ST8SIA1: variants seen among roughly 807,000 people sequenced by gnomAD.
ST8SIA1 encodes the protein alpha-N-acetylneuraminide alpha-2,8-sialyltransferase.
Under a neutral mutation model 35.9 loss-of-function variants are expected in ST8SIA1, and 16 were observed. The ratio of observed to expected loss-of-function variants is 0.45; its 90% CI spans 0.30 to 0.68. ST8SIA1 has a LOEUF of 0.68. Ranked by LOEUF, ST8SIA1 falls within the 30% of genes least tolerant of loss-of-function variation. The pLI is 0.09. For missense variants in ST8SIA1, 383 were observed against 453.6 expected, an observed-to-expected ratio of 0.84 and a Z score of 1.41; for synonymous variants, 170 against 169.6, an observed-to-expected ratio of 1.00 and a Z score of -0.02.
chr12:22,211,603 G>A (rs974770330), intron 4 of ST8SIA1, among the ~76,000 whole-genome samples: 31 of 152,328 alleles, frequency 2.0e-4, no homozygotes, highest in African/African-American at 6.7e-4. Context: ...TTTTTAGAAG[G>A]TGAATATATG....
chr12:22,261,155 T>A (rs1236654600), intron 2 of ST8SIA1, among the ~76,000 whole-genome samples: 1 of 151,944 alleles, frequency 6.6e-6, no homozygotes, highest in Admixed American at 6.6e-5. Context: ...GGTGTATTTG[T>A]TTGTTTTGAG....
At chr12:22,221,187 C>T (rs954896139) in intron 4 of ST8SIA1, among the ~76,000 whole-genome samples, 1 of 152,010 alleles carries the variant, frequency 6.6e-6, no homozygotes, top group Non-Finnish European at 1.5e-5. Flanking sequence ...AGCAATACCA[C>T]TACCCTAACT....
At chr12:22,237,777 G>T (rs1003641884) in intron 4 of ST8SIA1, among the ~76,000 whole-genome samples, 2 of 151,466 alleles carry the variant, frequency 1.3e-5, no homozygotes, top group Non-Finnish European at 2.9e-5. Flanking sequence ...GTATGGATTT[G>T]TAGAAAAATC....
intron 2 of ST8SIA1, among the ~76,000 whole-genome samples, chr12:22,272,006 CCTTA>C (rs1183478968): frequency 6.6e-6 from 1 of 152,064 alleles, no homozygotes; most frequent in Non-Finnish European, 1.5e-5. Context: ...GTTTCCTGGC[CCTTA>C]CTTAATCTAT....
chr12:22,334,568 C>G lies in ST8SIA1; in HGVS notation c.-336G>C. ...CGAGTCGCTCCCGCCGGTTCTGCAG[C>G]ATCACGGTCGCCCTCGGCGAGGGTC... On this transcript the variant is annotated 5_prime_UTR_variant, in exon 1 of 5. It removes an upstream start codon present in the reference 5' UTR. Coordinates refer to ENST00000396037, the MANE Select transcript of ST8SIA1 (RefSeq NM_003034.4). The G allele has an allele frequency of 2.7e-6, 1 of 369,604 alleles. No homozygotes were observed. Among genetic ancestry groups the G allele is most frequent in the Non-Finnish European group, 5.0e-6 (1 of 200,174 alleles). The allele number at this position is 369,604 out of a possible 1,614,324, so 22.9% of individuals were successfully genotyped here. A position where few individuals can be genotyped will look rare whatever the true frequency, so the allele number is the denominator to read the frequency against.
chr12:22,274,265 T>G (rs1865944429), intron 2 of ST8SIA1, among the ~76,000 whole-genome samples: 1 of 152,214 alleles, frequency 6.6e-6, no homozygotes, highest in Non-Finnish European at 1.5e-5. Context: ...GCAAAATGAT[T>G]GCATGATCTG....
chr12:22,243,874 A>C (rs1214046255), intron 4 of ST8SIA1, among the ~76,000 whole-genome samples: 1 of 152,142 alleles, frequency 6.6e-6, no homozygotes, highest in Admixed American at 6.6e-5. Flanking sequence ...TCTACAAAAA[A>C]TACAAAATCA....
rs1017081503 is a variant in ST8SIA1, at chr12:22,195,811, T to A, written c.*5741A>T. On this transcript the variant is annotated 3_prime_UTR_variant, in exon 5 of 5. Coordinates refer to ENST00000396037, the MANE Select transcript of ST8SIA1 (RefSeq NM_003034.4). ...TAAACCTTTTTTTATTACAATTTTC[T>A]GTTCGTAATGCTGTGCAGATAAAAT... 1 of 152,238 alleles carries A rather than the reference T, an allele frequency of 6.6e-6. No homozygotes were observed. Among genetic ancestry groups the A allele is most frequent in the Non-Finnish European group, 1.5e-5 (1 of 68,048 alleles). 9.4% of individuals were successfully genotyped at this position (152,238 alleles called of 1,614,324 possible). A position where few individuals can be genotyped will look rare whatever the true frequency, so the allele number is the denominator to read the frequency against.
At chr12:22,272,950 T>C (rs1275536115) in intron 2 of ST8SIA1, among the ~76,000 whole-genome samples, 1 of 152,236 alleles carries the variant, frequency 6.6e-6, no homozygotes, top group Non-Finnish European at 1.5e-5. Flanking sequence ...ATTGATTTCA[T>C]TGCAACATCT....
At chr12:22,320,881 A>G in intron 1 of ST8SIA1, among the ~76,000 whole-genome samples, 1 of 149,834 alleles carries the variant, frequency 6.7e-6, no homozygotes, top group Non-Finnish European at 1.5e-5. Flanking sequence ...AGAAAGAAAG[A>G]GAAAGAAAGA....
At chr12:22,214,736 C>A (rs1185858203) in intron 4 of ST8SIA1, among the ~76,000 whole-genome samples, 1 of 152,012 alleles carries the variant, frequency 6.6e-6, no homozygotes, top group Admixed American at 6.6e-5. Context: ...AGATAAAAAT[C>A]AAAAGATCTA....
intron 2 of ST8SIA1, among the ~76,000 whole-genome samples, chr12:22,257,046 A>G (rs1027680320): frequency 5.3e-5 from 8 of 152,188 alleles, no homozygotes; most frequent in Admixed American, 4.6e-4. Flanking sequence ...GACATAAGTA[A>G]AAATTTCTGT....
intron 2 of ST8SIA1, among the ~76,000 whole-genome samples, chr12:22,263,219 CT>C (rs1179965582): frequency 4.6e-5 from 7 of 152,180 alleles, no homozygotes; most frequent in African/African-American, 1.4e-4. Context: ...TGTTCTCTAG[CT>C]TTTGAAGACG....
At chr12:22,246,043 G>A (rs75993691) in intron 4 of ST8SIA1, among the ~76,000 whole-genome samples, 1,864 of 152,128 alleles carry the variant, frequency 0.012, 42 homozygotes, top group African/African-American at 0.042. Flanking sequence ...GTAAATAAGC[G>A]TTTCCTTGAG....
intron 4 of ST8SIA1, among the ~76,000 whole-genome samples, chr12:22,229,420 C>A (rs1165357959): frequency 2.0e-5 from 3 of 151,880 alleles, no homozygotes; most frequent in African/African-American, 7.3e-5. Context: ...GATTTGAGAC[C>A]AGCCTGGGCA....
intron 1 of ST8SIA1, among the ~76,000 whole-genome samples, chr12:22,291,102 G>A (rs919219055): frequency 2.6e-5 from 4 of 152,120 alleles, no homozygotes; most frequent in African/African-American, 7.2e-5. Context: ...ACATCACTCA[G>A]GTTCTTATCC....
Position 22,249,073 on chromosome 12 carries a change from C to G in ST8SIA1, c.517G>C (p.Glu173Gln). The part of the protein sequence containing the change: ...MRCNLPPLSS[E>Q]YTKDVGSKSQ... ...TTGGATCCAACATCCTTAGTGTATTCACTTGACAAAGGAGGGAGATTGCAT... is the reference window on the plus strand; with the variant it reads ...TTGGATCCAACATCCTTAGTGTATTGACTTGACAAAGGAGGGAGATTGCAT... The change falls in exon 4 of 5, where the codon GAA becomes CAA. Residue 173 changes from glutamate (E) to glutamine (Q), a missense_variant. Physicochemically the swap from Glu to Gln is conservative, Grantham distance 29. Coordinates refer to ENST00000396037, the MANE Select transcript of ST8SIA1 (RefSeq NM_003034.4). The G allele has an allele frequency of 1.2e-6, 2 of 1,613,480 alleles. No individual in the cohort carries two copies. The highest frequency in any genetic ancestry group is 1.7e-6 in the Non-Finnish European group (2 of 1,179,530).
intron 1 of ST8SIA1, among the ~76,000 whole-genome samples, chr12:22,309,118 C>T (rs151094750): frequency 6.6e-4 from 100 of 152,206 alleles, no homozygotes; most frequent in African/African-American, 2.4e-3. Context: ...CCCCAAGCAA[C>T]TGAATGGACA....
At chr12:22,223,701 T>C (rs2120668960) in intron 4 of ST8SIA1, 1 of 1,236,754 alleles carries the variant, frequency 8.1e-7, no homozygotes, top group East Asian at 6.8e-5. Flanking sequence ...TTCTGTCATT[T>C]GGCTTTTGGA....
Sources: allele counts gnomAD v4.1 joint callset (sites outside exome capture counted in the v4.1 genomes callset), GRCh38; gene constraint gnomAD v4.1.1; transcripts MANE v1.5; gene names NCBI Gene and HGNC (gene_info 2026-07-23, HGNC 2026-07-21).